ZMYND8: variants seen among roughly 807,000 people sequenced by gnomAD.
ZMYND8 encodes MYND-type zinc finger-containing chromatin reader ZMYND8.
In ZMYND8, 37 loss-of-function variants were observed where a neutral mutation model predicts 140.8. The ratio of observed to expected loss-of-function variants is 0.26; its 90% CI spans 0.20 to 0.35. The LOEUF (loss-of-function observed/expected upper bound fraction) is 0.35, where lower values mean the gene tolerates loss of function less well. Ranked by LOEUF, ZMYND8 falls within the 10% of genes least tolerant of loss-of-function variation. ZMYND8 has a pLI of 1.00. For missense variants in ZMYND8, 1,068 were observed against 1,570.0 expected (o/e 0.68, Z 5.40); for synonymous variants, 592 against 597.1 (o/e 0.99, Z 0.12).
chr20:47,239,347 G>A (rs2039657922), intron 14 of ZMYND8, among the ~76,000 whole-genome samples: 1 of 152,164 alleles, frequency 6.6e-6, no homozygotes, highest in South Asian at 2.1e-4. Context: ...CGCGAGCAGC[G>A]GCCTCCTTTA....
intron 11 of ZMYND8, among the ~76,000 whole-genome samples, chr20:47,272,499 C>A (rs982956264): frequency 2.6e-5 from 4 of 152,146 alleles, no homozygotes; most frequent in African/African-American, 9.7e-5. Flanking sequence ...TAACTTACAT[C>A]GAGATCGCGC....
At chr20:47,337,269 T>C (rs562335116) in intron 2 of ZMYND8, among the ~76,000 whole-genome samples, 1 of 152,096 alleles carries the variant, frequency 6.6e-6, no homozygotes, top group South Asian at 2.1e-4. Flanking sequence ...CGAGAATCAA[T>C]TGAATCCAGG....
At chr20:47,267,637 C>A (rs139532974) in intron 11 of ZMYND8, among the ~76,000 whole-genome samples, 1,762 of 152,312 alleles carry the variant, frequency 0.012, 12 homozygotes, top group Middle Eastern at 0.02. Flanking sequence ...GCAGCCAGGG[C>A]AGAACCCCTG....
At chr20:47,299,833 C>T (rs1035761125) in intron 3 of ZMYND8, among the ~76,000 whole-genome samples, 3 of 152,154 alleles carry the variant, frequency 2.0e-5, no homozygotes, top group Non-Finnish European at 4.4e-5. Context: ...CTGCCCACCT[C>T]GGCCTCCCAA....
intron 2 of ZMYND8, among the ~76,000 whole-genome samples, chr20:47,335,307 AT>A (rs369173617): frequency 1.4e-3 from 217 of 150,028 alleles, no homozygotes; most frequent in African/African-American, 3.6e-3. Context: ...CAATAAAGGT[AT>A]TTTTTTTTTA....
chr20:47,236,061 G>A (rs761146619), intron 16 of ZMYND8, among the ~76,000 whole-genome samples: 5 of 152,216 alleles, frequency 3.3e-5, no homozygotes, highest in South Asian at 2.1e-4. Context: ...TTGAATTCTC[G>A]AAGGTAATTC....
At chr20:47,340,018 C>T (rs1315464259) in intron 2 of ZMYND8, among the ~76,000 whole-genome samples, 2 of 152,114 alleles carry the variant, frequency 1.3e-5, no homozygotes, top group African/African-American at 2.4e-5. Flanking sequence ...TCTCAGCTCC[C>T]TGCAACCTCT....
At chr20:47,259,028 C>T (rs2074966019) in intron 12 of ZMYND8, among the ~76,000 whole-genome samples, 1 of 152,006 alleles carries the variant, frequency 6.6e-6, no homozygotes, top group Non-Finnish European at 1.5e-5. Context: ...CCCACCAAGA[C>T]ACACAACAGG....
intron 19 of ZMYND8, 42 bp downstream of exon 19, chr20:47,224,275 C>T: frequency 1.9e-6 from 3 of 1,609,520 alleles, no homozygotes; most frequent in Non-Finnish European, 2.5e-6. Context: ...CAATGCCAAG[C>T]CACTGCAGCC....
rs114439302 is a variant in ZMYND8 at position 47,307,028 on chromosome 20, C to T, written c.234+3028G>A. ...TTTGCTGAGTGCTATGGTCTGAATG[C>T]TTGTGTACCTCCCAAATTTCTATGT... On this transcript the variant is annotated intron_variant, in intron 3 of 22. Transcript: ENST00000471951. Among the ~76,000 whole-genome samples, 840 of 152,194 alleles carry T rather than the reference C, an allele frequency of 5.5e-3. 10 individuals carry two copies. The highest frequency in any genetic ancestry group is 0.019 in the African/African-American group (806 of 41,542).
intron 19 of ZMYND8, 42 bp from the exon 20 acceptor site, chr20:47,221,516 G>A (rs2036939098): frequency 2.5e-6 from 4 of 1,596,062 alleles, no homozygotes; most frequent in East Asian, 4.5e-5. Context: ...TATACACAGA[G>A]TACGATGATT....
intron 2 of ZMYND8, among the ~76,000 whole-genome samples, chr20:47,315,939 G>A (rs904348261): frequency 6.6e-6 from 1 of 152,208 alleles, no homozygotes; most frequent in Non-Finnish European, 1.5e-5. Context: ...AGTGACTCAG[G>A]AAAACAGCTT....
At chr20:47,355,506 C>T in intron 1 of ZMYND8, 2 of 985,398 alleles carry the variant, frequency 2.0e-6, no homozygotes, top group Non-Finnish European at 2.4e-6. Flanking sequence ...AGAGAACAGG[C>T]TGGCAGATTT....
intron 12 of ZMYND8, among the ~76,000 whole-genome samples, chr20:47,251,410 A>AC (rs979633445): frequency 2.7e-4 from 41 of 151,818 alleles, no homozygotes; most frequent in East Asian, 7.8e-4. Context: ...ACATAGCAAG[A>AC]CCCCCATCTC....
chr20:47,259,212 G>A (rs968763128), intron 12 of ZMYND8, among the ~76,000 whole-genome samples: 1 of 152,226 alleles, frequency 6.6e-6, no homozygotes, highest in African/African-American at 2.4e-5. Context: ...TCAGGGTGTG[G>A]AGGTGGAAGG....
rs988791971 is a variant in ZMYND8, at chr20:47,307,414, C to T, written c.234+2642G>A. 5.1e-4 allele frequency among the ~76,000 whole-genome samples: 77 copies of T among 152,104 alleles called. 1 individual carries two copies. Among genetic ancestry groups the T allele is most frequent in the Non-Finnish European group, 9.9e-4 (67 of 68,020 alleles). ...CAGAGGTTGCAGTGAGCTGAGACTACACCACTGCACTCCAGCCTGGGCAAT... is the reference window on the plus strand; with the variant it reads ...CAGAGGTTGCAGTGAGCTGAGACTATACCACTGCACTCCAGCCTGGGCAAT... On this transcript the variant is annotated intron_variant, in intron 3 of 22. Coordinates refer to ENST00000471951, the MANE Select transcript of ZMYND8 (RefSeq NM_001281775.3).
At chr20:47,252,487 ATGG>A (rs971944727) in intron 12 of ZMYND8, among the ~76,000 whole-genome samples, 2 of 152,132 alleles carry the variant, frequency 1.3e-5, no homozygotes, top group Non-Finnish European at 2.9e-5. Context: ...AAGAATAAAG[ATGG>A]AAACGTATAC....
intron 12 of ZMYND8, among the ~76,000 whole-genome samples, chr20:47,255,714 G>A (rs2074584944): frequency 1.6e-5 from 1 of 62,976 alleles, no homozygotes; most frequent in South Asian, 7.0e-4. Context: ...TATATACCGT[G>A]TATGTGTGTA....
chr20:47,255,937 G>T (rs1384944520), intron 12 of ZMYND8, among the ~76,000 whole-genome samples: 1 of 150,612 alleles, frequency 6.6e-6, no homozygotes, highest in Non-Finnish European at 1.5e-5. Context: ...GCCGGGCATG[G>T]TGGCGTATGC....
Sources: gnomAD v4.1 joint callset for allele counts (sites outside exome capture counted in the v4.1 genomes callset) on GRCh38, gnomAD v4.1.1 for gene constraint, MANE v1.5 for transcripts, NCBI Gene and HGNC (gene_info 2026-07-23, HGNC 2026-07-21) for gene names.